MUTYH: variants seen among roughly 807,000 people sequenced by gnomAD.
MUTYH encodes the protein mutY DNA glycosylase, also known as adenine DNA glycosylase.
A neutral mutation model predicts 72.9 loss-of-function variants in MUTYH; 64 were observed. That is an observed-to-expected ratio of 0.88 (90% CI 0.72 to 1.08). The LOEUF is 1.08. Among genes scored for constraint, MUTYH ranks in the 50% least tolerant of loss-of-function variants. The pLI is 0.00. For synonymous variants in MUTYH, 234 were observed against 263.1 expected, an observed-to-expected ratio of 0.89 and a Z score of 1.07; for missense variants, 633 against 671.0, an observed-to-expected ratio of 0.94 and a Z score of 0.63.
chr1:45,330,521 A>C lies in MUTYH; in HGVS notation c.1429T>G (p.Cys477Gly), dbSNP rs876659488. Residue 477 changes from cysteine to glycine, a missense_variant, in exon 15 of 16, where the codon TGT becomes GGT. Cys to Gly is a radical substitution (Grantham distance 159). Coordinates refer to ENST00000456914, the MANE Select transcript of MUTYH (RefSeq NM_001048174.2). ...GAGAGGCCTAGGAGACTTACCATAC[A>C]GGTCCCTGGCTGTTGGCCCTGATAC... The part of the protein sequence containing the change: ...RVYQGQQPGT[C>G]MGSKRSQVSS... 6 of 1,609,616 alleles carry C rather than the reference A, an allele frequency of 3.7e-6. No individual in the cohort carries two copies. The African/African-American group carries it at 6.7e-5, about 18-fold the overall frequency.
At chr1:45,340,232 A>G, upstream of MUTYH, 3 of 1,613,848 alleles carry the variant, frequency 1.9e-6, no homozygotes, top group Non-Finnish European at 2.5e-6. Context: ...CAGACGACTC[A>G]GGCGGGAGAC....
chr1:45,339,607 C>A (rs1646620223), intron 1 of MUTYH: 2 of 349,286 alleles, frequency 5.7e-6, no homozygotes, highest in Non-Finnish European at 1.1e-5. Flanking sequence ...ATACTGCCAG[C>A]CTTAATTCAA....
intron 15 of MUTYH, 39 bp from the exon 16 acceptor site, chr1:45,329,476 G>A: frequency 6.2e-7 from 1 of 1,612,280 alleles, no homozygotes; most frequent in Non-Finnish European, 8.5e-7. Flanking sequence ...TGTAGTTGGG[G>A]GAGGGGGAGC....
At position 45,330,548 on chromosome 1, in the gene MUTYH, C is replaced by T. The variant is rs587781385; in HGVS notation, c.1402G>A (p.Val468Met). 1 of 1,609,036 alleles carries T rather than the reference C, an allele frequency of 6.2e-7. No homozygotes were observed. ...VSTAMKKVFR[V>M]YQGQQPGTCM... ...GTCCCTGGCTGTTGGCCCTGATACA[C>T]ACGGAAAACCTAGACAAGAAGACAG... The change falls in exon 15 of 16, where the codon GTG becomes ATG. Residue 468 changes from valine to methionine, a missense_variant. Coordinates refer to ENST00000456914, the MANE Select transcript of MUTYH (RefSeq NM_001048174.2).
upstream of MUTYH, chr1:45,340,005 C>G (rs568514678): frequency 2.2e-3 from 3,364 of 1,538,834 alleles, 4 homozygotes; most frequent in Non-Finnish European, 2.8e-3. Flanking sequence ...GCCCGGCTTT[C>G]CGGCGCACTC....
chr1:45,336,198 A>G (rs1194668966), intron 1 of MUTYH, among the ~76,000 whole-genome samples: 1 of 152,220 alleles, frequency 6.6e-6, no homozygotes, highest in South Asian at 2.1e-4. Flanking sequence ...TTAAAAACAA[A>G]TAGAGCTGGA....
rs768130289 is a variant in MUTYH, at chr1:45,331,745, T to TG, written c.1017dup (p.Arg340GlnfsTer164). The TG allele has an allele frequency of 1.2e-6, 2 of 1,614,104 alleles. No individual in the cohort carries two copies. Among genetic ancestry groups the TG allele is most frequent in the Admixed American group, 1.7e-5 (1 of 60,026 alleles). On this transcript the variant is annotated frameshift_variant, in exon 12 of 16. Transcript: ENST00000456914. LOFTEE classifies it high-confidence loss of function. ...ACACAGGTGGCAGAGCTCTCCTCCC[T>TG]GGGGGGCTTGCGGCTGGCCTTTCTG...
At position 45,331,316 on chromosome 1, in the gene MUTYH, G is replaced by C. The variant is rs786202133; in HGVS notation, c.1258C>G (p.His420Asp). 1 of 1,614,212 alleles carries C rather than the reference G, an allele frequency of 6.2e-7. No individual in the cohort carries two copies. The highest frequency in any genetic ancestry group is 8.5e-7 in the Non-Finnish European group (1 of 1,180,044). Residue 420 changes from histidine to aspartate, a missense_variant, in exon 14 of 16, where the codon CAC becomes GAC. By Grantham distance (81) the His-to-Asp change is moderately conservative. Transcript: ENST00000456914. ...HLGEVVHTFSHIKLTYQVYGL... is the reference protein window; with the variant it reads ...HLGEVVHTFSDIKLTYQVYGL... ...TATACTTGATATGTCAGCTTGATGT[G>C]AGAGAAGGTGTGGACAACCTGGAGG...
intron 14 of MUTYH, 52 bp downstream of exon 14, chr1:45,331,130 T>C: frequency 6.2e-7 from 1 of 1,609,470 alleles, no homozygotes; most frequent in Non-Finnish European, 8.5e-7. Flanking sequence ...TATATTCATG[T>C]AGAACATGTA....
At chr1:45,329,583 T>A in intron 15 of MUTYH, 146 bp from the exon 16 acceptor site, 1 of 1,168,038 alleles carries the variant, frequency 8.6e-7, no homozygotes, top group Non-Finnish European at 1.2e-6. Flanking sequence ...CTGCCTCAAG[T>A]ATCTGCCCCA....
At chr1:45,334,720 C>T (rs951492265) in intron 1 of MUTYH, among the ~76,000 whole-genome samples, 4 of 152,186 alleles carry the variant, frequency 2.6e-5, no homozygotes, top group African/African-American at 9.7e-5. Flanking sequence ...CTCAAGGGGG[C>T]CGGCGTTACA....
chr1:45,339,997 C>G (rs1557516000), upstream of MUTYH: 5 of 1,536,958 alleles, frequency 3.3e-6, no homozygotes, highest in Non-Finnish European at 4.4e-6. Flanking sequence ...TCTAGCGCGC[C>G]CGGCTTTCCG....
At chr1:45,331,594 GCTGCCGATTCC>G in intron 12 of MUTYH, 38 bp from the exon 13 acceptor site, 1 of 1,613,298 alleles carries the variant, frequency 6.2e-7, no homozygotes, top group Non-Finnish European at 8.5e-7. Flanking sequence ...TCAGGCCTCA[GCTGCCGATTCC>G]CTCCATTCTC....
intron 5 of MUTYH, 54 bp from the exon 6 acceptor site, chr1:45,333,013 G>A (rs371795156): frequency 1.9e-6 from 3 of 1,612,010 alleles, no homozygotes; most frequent in African/African-American, 2.7e-5. Context: ...GGTGGTAGAG[G>A]AAGCCTTCTC....
intron 1 of MUTYH, among the ~76,000 whole-genome samples, chr1:45,334,810 G>A (rs920898509): frequency 6.6e-6 from 1 of 152,206 alleles, no homozygotes; most frequent in East Asian, 1.9e-4. Context: ...GAGCATTTGT[G>A]TATCTCTGAT....
upstream of MUTYH, chr1:45,339,971 A>T: frequency 7.9e-6 from 12 of 1,523,904 alleles, no homozygotes; most frequent in Non-Finnish European, 1.1e-5. Context: ...GGAGAGAAAG[A>T]TTACCTCCCG....
chr1:45,337,360 G>T (rs1375528986), intron 1 of MUTYH, among the ~76,000 whole-genome samples: 1 of 151,678 alleles, frequency 6.6e-6, no homozygotes, highest in Non-Finnish European at 1.5e-5. Flanking sequence ...GTTTCACCAT[G>T]TTGCCCAGGC....
chr1:45,340,256 G>A (rs781609463), upstream of MUTYH: 1 of 1,613,628 alleles, frequency 6.2e-7, no homozygotes, highest in African/African-American at 1.3e-5. Flanking sequence ...CGGTGTCATG[G>A]CCGCCGACAG....
rs587781529 is a variant in MUTYH, at chr1:45,332,430, C to T, written c.665G>A (p.Gly222Asp). Residue 222 changes from glycine to aspartate, a missense_variant, in exon 9 of 16, where the codon GGT becomes GAT. Physicochemically the swap from Gly to Asp is moderately conservative, Grantham distance 94. Transcript: ENST00000456914. ...AACAAGGGTGCTGCTGGGATCAGCA[C>T]CAATGGCTCGGACACGGCACAGCAC... ...ARVLCRVRAI[G>D]ADPSSTLVSQ... The T allele has an allele frequency of 6.2e-7, 1 of 1,614,188 alleles. No individual in the cohort carries two copies. The highest frequency in any genetic ancestry group is 1.1e-5 in the South Asian group (1 of 91,082).
Sources: allele counts gnomAD v4.1 joint callset (sites outside exome capture counted in the v4.1 genomes callset), GRCh38; gene constraint gnomAD v4.1.1; transcripts MANE v1.5; gene names NCBI Gene and HGNC (gene_info 2026-07-23, HGNC 2026-07-21).